Variants in CIRSR observed in about 807,000 individuals in gnomAD.
CIRSR encodes corepressor of RBPJ and splicing regulator.
chr2:174,357,135 T>C, the CIRSR span, among the ~76,000 whole-genome samples: 1 of 152,228 alleles, frequency 6.6e-6, no homozygotes, highest in Non-Finnish European at 1.5e-5. Flanking sequence ...CTAAAACATT[T>C]ACCTATCTTC....
chr2:174,386,043 A>G, the CIRSR span, among the ~76,000 whole-genome samples: 1 of 152,182 alleles, frequency 6.6e-6, no homozygotes, highest in Admixed American at 6.6e-5. Flanking sequence ...AAGAATAAAC[A>G]TGAACACTGT....
the CIRSR span, among the ~76,000 whole-genome samples, chr2:174,366,163 CA>C: frequency 3.3e-5 from 5 of 151,856 alleles, no homozygotes; most frequent in South Asian, 6.2e-4. Flanking sequence ...GGAAACTTCC[CA>C]AACTGAAAAG....
chr2:174,348,615 C>T, the CIRSR span: 1 of 1,614,188 alleles, frequency 6.2e-7, no homozygotes, highest in Non-Finnish European at 8.5e-7. Context: ...TTGCTCTTCA[C>T]CAGGATTTCG....
the CIRSR span, chr2:174,387,307 A>G: frequency 6.0e-6 from 1 of 167,398 alleles, no homozygotes; most frequent in East Asian, 1.9e-4. Flanking sequence ...GAACAATGAC[A>G]TGCGTGTCAA....
the CIRSR span, among the ~76,000 whole-genome samples, chr2:174,357,978 T>C: frequency 6.6e-6 from 1 of 152,228 alleles, no homozygotes; most frequent in South Asian, 2.1e-4. Flanking sequence ...GGAATTTTCC[T>C]GACACACTGC....
At chr2:174,385,520 A>G in the CIRSR span, among the ~76,000 whole-genome samples, 1 of 152,318 alleles carries the variant, frequency 6.6e-6, no homozygotes, top group Non-Finnish European at 1.5e-5. Context: ...AATATCATTC[A>G]CCAATGAAAG....
chr2:174,393,364 GC>G, the CIRSR span, among the ~76,000 whole-genome samples: 1 of 152,176 alleles, frequency 6.6e-6, no homozygotes, highest in Admixed American at 6.5e-5. Context: ...CAGATATACA[GC>G]ATTCACTCTT....
the CIRSR span, chr2:174,369,980 G>C: frequency 7.3e-7 from 1 of 1,365,050 alleles, no homozygotes; most frequent in Non-Finnish European, 9.8e-7. Flanking sequence ...GCTCAGCACA[G>C]GCTTACCAGA....
At chr2:174,385,950 G>C in the CIRSR span, among the ~76,000 whole-genome samples, 1 of 151,976 alleles carries the variant, frequency 6.6e-6, no homozygotes, top group Non-Finnish European at 1.5e-5. Context: ...ACCAAAATTA[G>C]GCAAAAGTCC....
chr2:174,376,785 G>A, the CIRSR span, among the ~76,000 whole-genome samples: 3 of 124,904 alleles, frequency 2.4e-5, no homozygotes, highest in African/African-American at 6.3e-5. Flanking sequence ...GTGGCAAAGC[G>A]AGACTCTGTC....
chr2:174,348,834 A>T, the CIRSR span: 5 of 1,614,142 alleles, frequency 3.1e-6, no homozygotes, highest in Non-Finnish European at 4.2e-6. Flanking sequence ...CTCGTGTTTT[A>T]AGAACCTGGG....
the CIRSR span, among the ~76,000 whole-genome samples, chr2:174,379,328 T>C: frequency 3.3e-5 from 5 of 152,228 alleles, no homozygotes; most frequent in Non-Finnish European, 5.9e-5. Flanking sequence ...GGGCGTTATG[T>C]GAAGAATTTA....
the CIRSR span, chr2:174,348,656 G>C: frequency 2.5e-6 from 4 of 1,614,014 alleles, no homozygotes; most frequent in Non-Finnish European, 3.4e-6. Context: ...CCCTTTGCTT[G>C]TAACTACCAG....
At chr2:174,361,080 CG>C in the CIRSR span, among the ~76,000 whole-genome samples, 1 of 147,432 alleles carries the variant, frequency 6.8e-6, no homozygotes, top group African/African-American at 2.7e-5. Context: ...CAATCAACTA[CG>C]ATCAACTACG....
the CIRSR span, among the ~76,000 whole-genome samples, chr2:174,392,152 C>T: frequency 1.3e-5 from 2 of 152,192 alleles, no homozygotes; most frequent in African/African-American, 4.8e-5. Context: ...CGCCCGCCAC[C>T]ACACCCAGCT....
At chr2:174,362,048 A>G in the CIRSR span, among the ~76,000 whole-genome samples, 1 of 152,220 alleles carries the variant, frequency 6.6e-6, no homozygotes, top group Non-Finnish European at 1.5e-5. Context: ...CTGTAATCCC[A>G]GCACTTTGGG....
the CIRSR span, among the ~76,000 whole-genome samples, chr2:174,379,485 TCTG>T: frequency 6.6e-6 from 1 of 152,302 alleles, no homozygotes; most frequent in East Asian, 1.9e-4. Context: ...ACGACTCAAC[TCTG>T]CTGCTGCAGT....
the CIRSR span, among the ~76,000 whole-genome samples, chr2:174,376,960 C>T: frequency 1.3e-5 from 2 of 152,044 alleles, no homozygotes. Context: ...AGCACAAGTT[C>T]TTTTGAATGT....
the CIRSR span, among the ~76,000 whole-genome samples, chr2:174,374,680 G>C: frequency 6.6e-6 from 1 of 152,186 alleles, no homozygotes; most frequent in South Asian, 2.1e-4. Flanking sequence ...CTGTAAACCT[G>C]GCAGCTGTGT....
Sources: gnomAD v4.1 joint callset for allele counts (sites outside exome capture counted in the v4.1 genomes callset) on GRCh38, gnomAD v4.1.1 for gene constraint, MANE v1.5 for transcripts, NCBI Gene and HGNC (gene_info 2026-07-23, HGNC 2026-07-21) for gene names.